Variants in ARHGAP6 observed in about 807,000 individuals in gnomAD.
ARHGAP6 encodes the protein Rho GTPase activating protein 6.
ARHGAP6 carries 16 observed loss-of-function variants against 55.7 expected under a neutral mutation model. The observed-to-expected ratio is 0.29, with a 90% CI of 0.19 to 0.44. ARHGAP6 has a LOEUF of 0.44. Ranked by LOEUF, ARHGAP6 falls within the 20% of genes least tolerant of loss-of-function variation. The pLI is 1.00. For missense variants in ARHGAP6, 698 were observed against 808.9 expected (o/e 0.86, Z 1.66); for synonymous variants, 382 against 360.9 (o/e 1.06, Z -0.66).
chrX:11,211,303 G>A (rs1178673637), intron 2 of ARHGAP6, among the ~76,000 whole-genome samples: 3 of 93,811 alleles, frequency 3.2e-5, no homozygotes, highest in East Asian at 3.7e-4. Flanking sequence ...CTCACTGCAA[G>A]CTCCGCCTCC....
chrX:11,555,138 G>A (rs2051308214), intron 1 of ARHGAP6, among the ~76,000 whole-genome samples: 1 of 111,752 alleles, frequency 8.9e-6, no homozygotes, highest in Admixed American at 9.5e-5. Flanking sequence ...TCTTCTGATG[G>A]TATAAGCAAT....
intron 1 of ARHGAP6, chrX:11,427,810 G>A (rs1194241674): frequency 5.4e-6 from 4 of 740,695 alleles, no homozygotes; most frequent in Non-Finnish European, 6.3e-6. Context: ...GAAGGGGGAG[G>A]GGGAAGAGGA....
Position 11,298,180 on chromosome X carries a change from T to C in ARHGAP6, c.589-43473A>G, listed in dbSNP as rs765441386. 9.1e-6 allele frequency: 11 copies of C among 1,206,878 alleles called. No individual in the cohort carries two copies. In the African/African-American group the frequency reaches 1.6e-4, roughly 17 times the overall value. On this transcript the variant is annotated intron_variant, in intron 1 of 12. Transcript: ENST00000337414. Reference sequence around the variant, plus strand: ...ATTTCCTACTGCATCAGTGAGTTTCTATATTGGATGAAAGTAAATTAAATC... The same window carrying C: ...ATTTCCTACTGCATCAGTGAGTTTCCATATTGGATGAAAGTAAATTAAATC...
intron 1 of ARHGAP6, among the ~76,000 whole-genome samples, chrX:11,639,386 C>T (rs1434598589): frequency 9.2e-6 from 1 of 109,172 alleles, no homozygotes; most frequent in African/African-American, 3.3e-5. Context: ...CGACATGCCC[C>T]GGTATGTGAT....
chrX:11,246,667 G>C (rs1430672304), intron 2 of ARHGAP6, among the ~76,000 whole-genome samples: 1 of 111,699 alleles, frequency 9.0e-6, no homozygotes, highest in Non-Finnish European at 1.9e-5. Flanking sequence ...TGGACACACA[G>C]AAGGTACAAT....
At chrX:11,423,056 A>G (rs1302345045) in intron 1 of ARHGAP6, among the ~76,000 whole-genome samples, 1 of 112,511 alleles carries the variant, frequency 8.9e-6, no homozygotes, top group African/African-American at 3.2e-5. Context: ...CATATTTGTA[A>G]GTTGAAAAAA....
At chrX:11,260,937 A>G (rs2047553886) in intron 1 of ARHGAP6, among the ~76,000 whole-genome samples, 2 of 110,465 alleles carry the variant, frequency 1.8e-5, no homozygotes, top group Admixed American at 1.9e-4. Flanking sequence ...GCCATATACA[A>G]CAGCTAGATT....
At chrX:11,282,559 A>C (rs2047870507) in intron 1 of ARHGAP6, among the ~76,000 whole-genome samples, 1 of 112,390 alleles carries the variant, frequency 8.9e-6, no homozygotes, top group Non-Finnish European at 1.9e-5. Context: ...ATATACAGTA[A>C]AGGTCTGGCA....
At chrX:11,195,197 C>G (rs1435335701) in intron 3 of ARHGAP6, among the ~76,000 whole-genome samples, 1 of 110,813 alleles carries the variant, frequency 9.0e-6, no homozygotes, top group Admixed American at 9.6e-5. Context: ...ACTAAGAATA[C>G]AAAAATTAGC....
chrX:11,396,865 T>C (rs2049483733), intron 1 of ARHGAP6, among the ~76,000 whole-genome samples: 1 of 111,608 alleles, frequency 9.0e-6, no homozygotes, highest in African/African-American at 3.3e-5. Flanking sequence ...GCATAGAATA[T>C]CCTACTTAAT....
intron 2 of ARHGAP6, among the ~76,000 whole-genome samples, chrX:11,211,500 G>T (rs2046800442): frequency 9.0e-6 from 1 of 110,511 alleles, no homozygotes; most frequent in Non-Finnish European, 1.9e-5. Flanking sequence ...AAAGTGCTGG[G>T]ATTACAGGCG....
At chrX:11,351,707 T>C (rs1044828017) in intron 1 of ARHGAP6, 16 of 369,011 alleles carry the variant, frequency 4.3e-5, no homozygotes, top group African/African-American at 1.7e-4. Context: ...CTATTAATAC[T>C]AGGCTGACTT....
In ARHGAP6 at chrX:11,664,323, G is replaced by A. The variant is rs1228993147; in HGVS notation, c.506C>T (p.Ser169Phe). Reference protein sequence around the residue: ...SGGGPNGIFASPRRWLQQRKF... With the variant: ...SGGGPNGIFAFPRRWLQQRKF... ...CCTCTGCTGGAGCCACCTCCTAGGA[G>A]AAGCGAAGATGCCATTGGGGCCTCC... The change falls in exon 1 of 13, where the codon TCT (serine) becomes TTT (phenylalanine). Residue 169 changes from serine (S) to phenylalanine (F), a missense_variant. Transcript: ENST00000337414. 3 of 1,211,190 alleles carry A rather than the reference G, an allele frequency of 2.5e-6. No individual in the cohort carries two copies. Among genetic ancestry groups the A allele is most frequent in the African/African-American group, 3.5e-5 (2 of 57,577 alleles).
intron 1 of ARHGAP6, among the ~76,000 whole-genome samples, chrX:11,558,836 CAAAAAAAAAAAAAAAAAAAAA>C (rs58936931): frequency 1.7e-4 from 5 of 30,072 alleles, no homozygotes; most frequent in East Asian, 4.0e-3. Context: ...GATTCCATCT[CAAAAAAAAAAAAAAAAAAAAA>C]AAAAAAAAAA....
At chrX:11,271,259 A>G (rs1276570006) in intron 1 of ARHGAP6, among the ~76,000 whole-genome samples, 1 of 112,116 alleles carries the variant, frequency 8.9e-6, no homozygotes, top group East Asian at 2.8e-4. Context: ...CTCAAACTGA[A>G]GAACCCAATC....
chrX:11,530,753 A>T (rs762374696), intron 1 of ARHGAP6, among the ~76,000 whole-genome samples: 2 of 111,483 alleles, frequency 1.8e-5, no homozygotes, highest in East Asian at 5.7e-4. Flanking sequence ...AACGAAATTC[A>T]AATTCCCCAA....
At chrX:11,358,431 A>ATCTTTCTTTCTTTCTC (rs2048960486) in intron 1 of ARHGAP6, among the ~76,000 whole-genome samples, 3 of 72,503 alleles carry the variant, frequency 4.1e-5, no homozygotes, top group Non-Finnish European at 7.7e-5. Flanking sequence ...TTTTAACTGT[A>ATCTTTCTTTCTTTCTC]TCTTTCTTTC....
chrX:11,590,894 GAAA>G (rs1376594930), intron 1 of ARHGAP6, among the ~76,000 whole-genome samples: 1 of 88,251 alleles, frequency 1.1e-5, no homozygotes, highest in Non-Finnish European at 2.2e-5. Context: ...AAGAAAGAAA[GAAA>G]GAAAGAAAGA....
chrX:11,188,605 T>C (rs762043387), intron 4 of ARHGAP6, 123 bp downstream of exon 4: 3 of 1,002,175 alleles, frequency 3.0e-6, no homozygotes, highest in Non-Finnish European at 4.1e-6. Flanking sequence ...ATTAATGGCA[T>C]TGTTGACAGA....
Sources: allele counts gnomAD v4.1 joint callset (sites outside exome capture counted in the v4.1 genomes callset), GRCh38; gene constraint gnomAD v4.1.1; transcripts MANE v1.5; gene names NCBI Gene and HGNC (gene_info 2026-07-23, HGNC 2026-07-21).